GREB1L: variants seen among roughly 807,000 people sequenced by gnomAD.
The protein encoded by GREB1L is GREB1 like retinoic acid receptor coactivator.
Under a neutral mutation model 200.8 loss-of-function variants are expected in GREB1L, and 17 were observed. The observed-to-expected ratio is 0.08, with a 90% CI of 0.06 to 0.13. GREB1L has a LOEUF of 0.13. GREB1L is among the 10% of genes least tolerant of loss of function. The pLI, the probability that GREB1L is intolerant of heterozygous loss-of-function variation, is 1.00. For synonymous variants in GREB1L, 789 were observed against 893.0 expected (o/e 0.88, Z 2.08); for missense variants, 1,657 against 2,367.7 (o/e 0.70, Z 6.23).
intron 2 of GREB1L, among the ~76,000 whole-genome samples, chr18:21,375,531 T>C (rs1477436178): frequency 1.3e-5 from 2 of 152,204 alleles, no homozygotes; most frequent in Non-Finnish European, 2.9e-5. Context: ...AACAAACATT[T>C]TCTTTTCTGA....
intron 1 of GREB1L, among the ~76,000 whole-genome samples, chr18:21,283,379 C>G (rs2038303604): frequency 6.6e-6 from 1 of 152,160 alleles, no homozygotes; most frequent in African/African-American, 2.4e-5. Flanking sequence ...CATCACAGTG[C>G]TTTTGCTTTA....
intron 2 of GREB1L, among the ~76,000 whole-genome samples, chr18:21,370,694 A>T (rs1382265392): frequency 6.6e-6 from 1 of 152,244 alleles, no homozygotes; most frequent in East Asian, 1.9e-4. Flanking sequence ...CAAGCCTCTT[A>T]GAACTTAAGA....
intron 1 of GREB1L, among the ~76,000 whole-genome samples, chr18:21,351,384 C>G (rs2039430429): frequency 6.6e-6 from 1 of 152,026 alleles, no homozygotes; most frequent in Admixed American, 6.6e-5. Flanking sequence ...ACCAGCCTGG[C>G]CAACATAGTG....
chr18:21,292,345 TTC>T (rs1436975167), intron 1 of GREB1L, among the ~76,000 whole-genome samples: 2 of 152,204 alleles, frequency 1.3e-5, no homozygotes, highest in East Asian at 3.8e-4. Flanking sequence ...AGAAATTTGG[TTC>T]TTTTTAAAAA....
rs1418174163 is a variant in GREB1L, at chr18:21,347,784, T to A, written c.-119-18243T>A. On this transcript the variant is annotated intron_variant, in intron 1 of 32. Transcript: ENST00000424526. ...GACCTTTTTTTTTTTTTTTTTTTTT[T>A]AAGACAGGGTGTTGCTCTGTCGCCC... 9.3e-3 allele frequency among the ~76,000 whole-genome samples: 1,346 copies of A among 144,114 alleles called. 22 individuals carry two copies. Among genetic ancestry groups the A allele is most frequent in the African/African-American group, 0.033 (1,258 of 38,258 alleles). 94.5% of individuals were successfully genotyped at this position (144,114 alleles called of 152,430 possible).
At chr18:21,358,509 G>T (rs542612773) in intron 1 of GREB1L, among the ~76,000 whole-genome samples, 1 of 152,290 alleles carries the variant, frequency 6.6e-6, no homozygotes, top group Non-Finnish European at 1.5e-5. Flanking sequence ...TGGAGATGGG[G>T]TTTCACTGTG....
intron 2 of GREB1L, among the ~76,000 whole-genome samples, chr18:21,382,504 T>C (rs2040360977): frequency 6.6e-6 from 1 of 151,574 alleles, no homozygotes; most frequent in Non-Finnish European, 1.5e-5. Context: ...TTTTTTTTTT[T>C]TTTTGAGACA....
chr18:21,307,850 C>T (rs1009263766), intron 1 of GREB1L, among the ~76,000 whole-genome samples: 2 of 152,152 alleles, frequency 1.3e-5, no homozygotes, highest in African/African-American at 2.4e-5. Context: ...GGTCATGGTT[C>T]TTCCCTATAA....
intron 31 of GREB1L, among the ~76,000 whole-genome samples, chr18:21,519,736 A>G (rs2037546494): frequency 6.6e-6 from 1 of 152,196 alleles, no homozygotes; most frequent in Admixed American, 6.5e-5. Context: ...GAAATGAAGG[A>G]GACTGTTCAT....
At chr18:21,463,256 C>T (rs934374637) in intron 15 of GREB1L, among the ~76,000 whole-genome samples, 40 of 144,410 alleles carry the variant, frequency 2.8e-4, no homozygotes, top group African/African-American at 9.5e-4. Context: ...CACCATTCTC[C>T]TGCCTCAGCC....
intron 1 of GREB1L, among the ~76,000 whole-genome samples, chr18:21,255,902 T>G (rs1247494675): frequency 1.3e-5 from 2 of 152,214 alleles, no homozygotes; most frequent in Non-Finnish European, 2.9e-5. Context: ...CTTAATTACA[T>G]TCTACAGAAT....
At chr18:21,502,306 C>T (rs1368313936) in intron 23 of GREB1L, among the ~76,000 whole-genome samples, 1 of 151,802 alleles carries the variant, frequency 6.6e-6, no homozygotes, top group Admixed American at 6.6e-5. Context: ...TGGCTTCACA[C>T]CTCCCACCAA....
At chr18:21,451,527 G>A (rs551853259) in intron 13 of GREB1L, among the ~76,000 whole-genome samples, 6 of 116,508 alleles carry the variant, frequency 5.1e-5, no homozygotes, top group African/African-American at 1.2e-4. Context: ...GCACTCTATC[G>A]CCCAGGCTGG....
At chr18:21,371,982 T>G (rs1203508062) in intron 2 of GREB1L, among the ~76,000 whole-genome samples, 1 of 152,098 alleles carries the variant, frequency 6.6e-6, no homozygotes, top group Non-Finnish European at 1.5e-5. Context: ...TAGGAGTAGG[T>G]GGGTACAGGA....
At chr18:21,431,919 C>CTTTTTTTTTTTTTTT (rs773523492) in intron 7 of GREB1L, among the ~76,000 whole-genome samples, 1 of 91,278 alleles carries the variant, frequency 1.1e-5, no homozygotes, top group African/African-American at 5.4e-5. Context: ...CTTTTCTTTT[C>CTTTTTTTTTTTTTTT]TTTTTTTTTT....
At chr18:21,340,291 G>A (rs2039249284) in intron 1 of GREB1L, among the ~76,000 whole-genome samples, 1 of 151,932 alleles carries the variant, frequency 6.6e-6, no homozygotes, top group Non-Finnish European at 1.5e-5. Context: ...ATGGTGGTGG[G>A]CACCTGTAGT....
chr18:21,344,316 G>T (rs113718641), intron 1 of GREB1L, among the ~76,000 whole-genome samples: 18,169 of 151,966 alleles, frequency 0.12, 2,144 homozygotes, highest in African/African-American at 0.3. Context: ...CAGGAGAATC[G>T]CTTGAACTCG....
chr18:21,386,988 A>C (rs2040569973), intron 4 of GREB1L, among the ~76,000 whole-genome samples: 1 of 152,200 alleles, frequency 6.6e-6, no homozygotes, highest in South Asian at 2.1e-4. Flanking sequence ...GGCTCAAAGA[A>C]AGGTAAAGCT....
rs144703225 is a variant in GREB1L, at chr18:21,284,644, A to G, written c.-120+42251A>G. Among the ~76,000 whole-genome samples, 99 of 152,338 alleles carry G rather than the reference A, an allele frequency of 6.5e-4. No individual in the cohort carries two copies. The Middle Eastern group carries it at 0.014, about 21-fold the overall frequency. ...CTTGCTGCTGCAGTGAACATCGTGT[A>G]CAAATTTTTGTATGGATGTATGTTT... On this transcript the variant is annotated intron_variant, in intron 1 of 32. Transcript: ENST00000424526.
Sources: allele counts gnomAD v4.1 joint callset (sites outside exome capture counted in the v4.1 genomes callset), GRCh38; gene constraint gnomAD v4.1.1; transcripts MANE v1.5; gene names NCBI Gene and HGNC (gene_info 2026-07-23, HGNC 2026-07-21).